Variants in SCN7A observed in about 807,000 individuals in gnomAD.
SCN7A encodes sodium channel protein type 7 subunit alpha.
A neutral mutation model predicts 155.2 loss-of-function variants in SCN7A; 138 were observed. The observed-to-expected ratio is 0.89, with a 90% CI of 0.77 to 1.02. SCN7A has a LOEUF of 1.02. Among genes scored for constraint, SCN7A ranks in the 50% least tolerant of loss-of-function variants. SCN7A has a pLI of 0.00. For missense variants in SCN7A, 2,058 were observed against 1,986.6 expected (o/e 1.04, Z -0.68); for synonymous variants, 693 against 649.0 (o/e 1.07, Z -1.03).
intron 9 of SCN7A, among the ~76,000 whole-genome samples, chr2:166,465,068 G>A (rs1202216075): frequency 1.3e-5 from 2 of 152,122 alleles, no homozygotes; most frequent in East Asian, 1.9e-4. Flanking sequence ...ATTAGGTCAC[G>A]AGGGTGAAGT....
At chr2:166,475,106 A>ATG (rs1702759651) in intron 3 of SCN7A, among the ~76,000 whole-genome samples, 2 of 103,006 alleles carry the variant, frequency 1.9e-5, no homozygotes, top group African/African-American at 4.8e-5. Flanking sequence ...ATATATATGT[A>ATG]TATATATATA....
chr2:166,434,332 T>C (rs1383325179), intron 15 of SCN7A, among the ~76,000 whole-genome samples: 1 of 152,158 alleles, frequency 6.6e-6, no homozygotes, highest in African/African-American at 2.4e-5. Context: ...GATAATCTTA[T>C]CCATAGTTTT....
chr2:166,443,750 G>T, intron 13 of SCN7A, 74 bp from the exon 14 acceptor site: 1 of 1,070,372 alleles, frequency 9.3e-7, no homozygotes. Context: ...CACAAAATCT[G>T]TGACACACAC....
intron 2 of SCN7A, among the ~76,000 whole-genome samples, chr2:166,480,457 CAAA>C (rs71031251): frequency 0.63 from 83,014 of 130,746 alleles, 23,731 homozygotes; most frequent in Middle Eastern, 0.67. Context: ...GACTCCGTCT[CAAA>C]AAAAAAAAAC....
Position 166,406,515 on chromosome 2 carries a change from G to A in SCN7A, c.4114C>T (p.Pro1372Ser), listed in dbSNP as rs1185521150. Residue 1372 changes from proline to serine, a missense_variant, in exon 26 of 26, where the codon CCT becomes TCT. Coordinates refer to ENST00000643258, the MANE Select transcript of SCN7A (RefSeq NM_002976.4). ...AATGCTGGGAGGGACAGCATCAAAGGAAGCATCAGATTATGAAACACCTTT... is the reference window on the plus strand; with the variant it reads ...AATGCTGGGAGGGACAGCATCAAAGAAAGCATCAGATTATGAAACACCTTT... Reference protein sequence around the residue: ...GPKVFHNLMLPLMLSLPALLN... With the variant: ...GPKVFHNLMLSLMLSLPALLN... 3.1e-6 allele frequency: 5 copies of A among 1,612,800 alleles called. No individual in the cohort carries two copies. The highest frequency in any genetic ancestry group is 3.3e-5 in the Admixed American group (2 of 59,798).
Position 166,464,235 on chromosome 2 carries a change from C to T in SCN7A, c.941+1227G>A, listed in dbSNP as rs534537153. ...ACACACATACATACATATATGTGTG[C>T]TGAGCAAGTGAGAAAATGTCAAAAT... is the stretch of plus-strand genomic sequence containing the variant. On this transcript the variant is annotated intron_variant, in intron 9 of 25. Transcript: ENST00000643258. 3.3e-5 allele frequency among the ~76,000 whole-genome samples: 5 copies of T among 151,100 alleles called. No homozygotes were observed. The South Asian group carries it at 6.3e-4, about 19-fold the overall frequency.
chr2:166,414,002 T>TATATATATATATATATATATATAAAA (rs1443391022), intron 21 of SCN7A, among the ~76,000 whole-genome samples: 3 of 90,300 alleles, frequency 3.3e-5, no homozygotes, highest in African/African-American at 1.4e-4. Context: ...TATATATATA[T>TATATATATATATATATATATATAAAA]AAATATACTA....
chr2:166,483,638 AATTT>A (rs1265910957), intron 2 of SCN7A, among the ~76,000 whole-genome samples: 1 of 151,840 alleles, frequency 6.6e-6, no homozygotes, highest in East Asian at 1.9e-4. Context: ...ATAATAAATA[AATTT>A]ATCTTTAATA....
chr2:166,423,576 A>C, intron 18 of SCN7A, 144 bp from the exon 19 acceptor site: 1 of 843,932 alleles, frequency 1.2e-6, no homozygotes, highest in Non-Finnish European at 1.7e-6. Context: ...CTGGTTCACT[A>C]TGCTTGTACT....
chr2:166,444,997 A>G lies in SCN7A; in HGVS notation c.1391T>C (p.Leu464Pro). 6.3e-7 allele frequency: 1 copy of G among 1,589,314 alleles called. No homozygotes were observed. Among genetic ancestry groups the G allele is most frequent in the South Asian group, 1.1e-5 (1 of 90,134 alleles). Residue 464 changes from leucine (L) to proline (P), a missense_variant, in exon 13 of 26, where the codon CTT becomes CCT. Physicochemically the swap from Leu to Pro is moderately conservative, Grantham distance 98. Transcript: ENST00000643258. Reference protein sequence around the residue: ...EDATLRHKEELEKSKKICPLY... With the variant: ...EDATLRHKEEPEKSKKICPLY... ...TGGGCATATCTTCTTGGATTTTTCA[A>G]GTTCTGAAATGAAAGAATACAAAAG...
intron 11 of SCN7A, among the ~76,000 whole-genome samples, chr2:166,449,578 C>T (rs1035199073): frequency 1.3e-5 from 2 of 152,086 alleles, no homozygotes; most frequent in South Asian, 2.1e-4. Flanking sequence ...CTCAGACCAG[C>T]GACAGACTCT....
At chr2:166,483,274 A>G (rs1029024759) in intron 2 of SCN7A, among the ~76,000 whole-genome samples, 1 of 152,056 alleles carries the variant, frequency 6.6e-6, no homozygotes, top group Non-Finnish European at 1.5e-5. Flanking sequence ...CCTTATGGCA[A>G]TTATGATTAT....
intron 25 of SCN7A, among the ~76,000 whole-genome samples, chr2:166,409,264 A>C (rs1355456716): frequency 6.6e-6 from 1 of 152,030 alleles, no homozygotes; most frequent in Non-Finnish European, 1.5e-5. Context: ...ATGTTGTATA[A>C]GTTGTAAATA....
At chr2:166,474,196 TAA>T (rs1352873839) in intron 4 of SCN7A, 28 bp downstream of exon 4, 4 of 1,073,082 alleles carry the variant, frequency 3.7e-6, no homozygotes, top group Non-Finnish European at 5.3e-6. Context: ...CAGCACAGTT[TAA>T]AGTCAACAAG....
Position 166,462,377 on chromosome 2 carries a change from C to G in SCN7A, c.1083+12G>C. 1 of 1,577,358 alleles carries G rather than the reference C, an allele frequency of 6.3e-7. No homozygotes were observed. The highest frequency in any genetic ancestry group is 8.6e-7 in the Non-Finnish European group (1 of 1,160,296). ...CATTCCTAAGTACAGTACAATTTCT[C>G]TCTGTTCTTACCTGGTGATAAAGTA... On this transcript the variant is annotated intron_variant, in intron 10 of 25. Coordinates refer to ENST00000643258, the MANE Select transcript of SCN7A (RefSeq NM_002976.4).
chr2:166,421,214 A>C lies in SCN7A; in HGVS notation c.3111T>G (p.Val1037=). Residue 1037 remains valine, a synonymous_variant, in exon 20 of 26, where the codon GTT becomes GTG. Transcript: ENST00000643258. ...ISMKFLRPLR[V]LSQFERMKVV... is the part of the protein sequence containing the mutation. ...CCTTCATTCTTTCAAATTGAGATAG[A>C]ACTCTGAGGGGCCGAAGGAATTTCA... The C allele has an allele frequency of 6.5e-7, 1 of 1,530,622 alleles. No individual in the cohort carries two copies. Among genetic ancestry groups the C allele is most frequent in the Non-Finnish European group, 8.8e-7 (1 of 1,140,406 alleles). The allele number at this position is 1,530,622 out of a possible 1,614,324, so 94.8% of individuals were successfully genotyped here.
Position 166,457,009 on chromosome 2 carries a change from T to G in SCN7A, c.1151A>C (p.Tyr384Ser). 1 of 1,610,912 alleles carries G rather than the reference T, an allele frequency of 6.2e-7. No homozygotes were observed. Among genetic ancestry groups the G allele is most frequent in the Non-Finnish European group, 8.5e-7 (1 of 1,178,796 alleles). The change falls in exon 11 of 26, where the codon TAT becomes TCT. Residue 384 changes from tyrosine (Y) to serine (S), a missense_variant. Transcript: ENST00000643258. ...FVVVSFLFSF[Y>S]MASLFLGILA... ...TATGCCTAAGAACAAACTTGCCATATAAAAGGAAAACAAAAAACTTACCAC... is the reference window on the plus strand; with the variant it reads ...TATGCCTAAGAACAAACTTGCCATAGAAAAGGAAAACAAAAAACTTACCAC...
intron 25 of SCN7A, among the ~76,000 whole-genome samples, 153 bp from the exon 26 acceptor site, chr2:166,406,799 A>G (rs1701086516): frequency 6.6e-6 from 1 of 152,050 alleles, no homozygotes; most frequent in Non-Finnish European, 1.5e-5. Context: ...TTTAACAGTT[A>G]GCATGTTGAA....
chr2:166,457,421 T>G (rs1248626956), intron 10 of SCN7A, among the ~76,000 whole-genome samples: 1 of 152,198 alleles, frequency 6.6e-6, no homozygotes, highest in African/African-American at 2.4e-5. Context: ...AGCCTCAACA[T>G]GGAAAGTTAT....
Sources: allele counts gnomAD v4.1 joint callset (sites outside exome capture counted in the v4.1 genomes callset), GRCh38; gene constraint gnomAD v4.1.1; transcripts MANE v1.5; gene names NCBI Gene and HGNC (gene_info 2026-07-23, HGNC 2026-07-21).